SLC1A1: variants seen among roughly 807,000 people sequenced by gnomAD.
The protein encoded by SLC1A1 is excitatory amino acid transporter 3.
Under a neutral mutation model 53.3 loss-of-function variants are expected in SLC1A1, and 43 were observed. The observed-to-expected ratio is 0.81, with a 90% CI of 0.63 to 1.04. The LOEUF is 1.04. SLC1A1 is among the 50% of genes least tolerant of loss of function. The probability of loss-of-function intolerance (pLI) is 0.00; values close to 1 mark genes in which losing one functional copy is unlikely to be tolerated. For missense variants in SLC1A1, 748 were observed against 664.9 expected (o/e 1.12, Z -1.37); for synonymous variants, 307 against 243.2 (o/e 1.26, Z -2.44).
intron 3 of SLC1A1, among the ~76,000 whole-genome samples, chr9:4,563,146 G>A (rs10974626): frequency 0.27 from 37,567 of 137,612 alleles, 5,261 homozygotes; most frequent in East Asian, 0.48. Flanking sequence ...GAGAGAGAGA[G>A]AAAAAAAAAA....
intron 8 of SLC1A1, 109 bp from the exon 9 acceptor site, chr9:4,575,892 A>G: frequency 1.5e-6 from 2 of 1,298,098 alleles, no homozygotes; most frequent in South Asian, 2.5e-5. Context: ...TTATTGGGCC[A>G]TTATGAAAGT....
chr9:4,534,718 T>A (rs1250697965), intron 1 of SLC1A1, among the ~76,000 whole-genome samples: 1 of 147,982 alleles, frequency 6.8e-6, no homozygotes, highest in Non-Finnish European at 1.5e-5. Flanking sequence ...GAGGCCAGCA[T>A]CATCCTGCTA....
At chr9:4,579,681 C>T (rs1820878538) in intron 10 of SLC1A1, among the ~76,000 whole-genome samples, 2 of 152,172 alleles carry the variant, frequency 1.3e-5, no homozygotes, top group South Asian at 4.1e-4. Flanking sequence ...CTCACTGGCT[C>T]TACATGGAAA....
In SLC1A1 at chr9:4,490,494, C is replaced by T. The variant is rs1820190223; in HGVS notation, c.-186C>T. 2.6e-6 allele frequency: 1 copy of T among 379,514 alleles called. No homozygotes were observed. The highest frequency in any genetic ancestry group is 4.7e-6 in the Non-Finnish European group (1 of 212,812). The allele number at this position is 379,514 out of a possible 1,614,324, so 23.5% of individuals were successfully genotyped here. A position where few individuals can be genotyped will look rare whatever the true frequency, so the allele number is the denominator to read the frequency against. ...CAAAACTACCGGGCTGGCAGGGCGG[C>T]GGGCGCGGTGCGCGATCCCGGGTGG... is the stretch of plus-strand genomic sequence containing the variant. On this transcript the variant is annotated 5_prime_UTR_variant, in exon 1 of 12. Coordinates refer to ENST00000262352, the MANE Select transcript of SLC1A1 (RefSeq NM_004170.6).
rs1011050219 is a variant in SLC1A1 at position 4,585,769 on chromosome 9, T to G, written c.*211T>G. On this transcript the variant is annotated 3_prime_UTR_variant, in exon 12 of 12. Coordinates refer to ENST00000262352, the MANE Select transcript of SLC1A1 (RefSeq NM_004170.6). ...GGGGTAAGTTGAAGGGAAATCAATTTAAAGGAAAGTTCTATTATCTGGGTT... is the reference window on the plus strand; with the variant it reads ...GGGGTAAGTTGAAGGGAAATCAATTGAAAGGAAAGTTCTATTATCTGGGTT... 3.7e-5 allele frequency: 22 copies of G among 596,568 alleles called. No individual in the cohort carries two copies. The highest frequency in any genetic ancestry group is 3.6e-4 in the Admixed American group (12 of 33,356). The allele number at this position is 596,568 out of a possible 1,614,324, so 37.0% of individuals were successfully genotyped here. A position where few individuals can be genotyped will look rare whatever the true frequency, so the allele number is the denominator to read the frequency against.
At chr9:4,570,034 G>A (rs1407247961) in intron 6 of SLC1A1, among the ~76,000 whole-genome samples, 1 of 152,200 alleles carries the variant, frequency 6.6e-6, no homozygotes, top group South Asian at 2.1e-4. Flanking sequence ...CAAGCAGGGT[G>A]CAAAGGCCCA....
intron 1 of SLC1A1, among the ~76,000 whole-genome samples, chr9:4,544,222 G>A (rs1817261645): frequency 6.6e-6 from 1 of 152,092 alleles, no homozygotes; most frequent in Non-Finnish European, 1.5e-5. Flanking sequence ...GTAGAAAAAG[G>A]TGGTGTGTGA....
At chr9:4,490,813 C>T in intron 1 of SLC1A1, 43 bp downstream of exon 1, 4 of 1,529,924 alleles carry the variant, frequency 2.6e-6, no homozygotes, top group Non-Finnish European at 3.6e-6. Flanking sequence ...CCCTCACGCG[C>T]TCTCTGCGCC....
At chr9:4,530,026 T>C (rs2130850131) in intron 1 of SLC1A1, among the ~76,000 whole-genome samples, 1 of 152,170 alleles carries the variant, frequency 6.6e-6, no homozygotes, top group African/African-American at 2.4e-5. Flanking sequence ...GCTGAGAGAG[T>C]AACTTGAATA....
intron 5 of SLC1A1, among the ~76,000 whole-genome samples, chr9:4,567,224 T>G (rs577209946): frequency 3.3e-5 from 5 of 152,336 alleles, no homozygotes; most frequent in Admixed American, 1.3e-4. Context: ...GTTAAACCTT[T>G]CTTGATGCTT....
At chr9:4,573,730 A>G (rs1216604335) in intron 7 of SLC1A1, among the ~76,000 whole-genome samples, 177 bp from the exon 8 acceptor site, 6 of 152,150 alleles carry the variant, frequency 3.9e-5, no homozygotes, top group Non-Finnish European at 8.8e-5. Flanking sequence ...TAAAAACTAG[A>G]GCCAATATTG....
intron 4 of SLC1A1, 148 bp downstream of exon 4, chr9:4,564,606 A>C (rs903142654): frequency 1.5e-6 from 1 of 688,416 alleles, no homozygotes; most frequent in African/African-American, 1.8e-5. Flanking sequence ...GGAACCCACA[A>C]ATTACATAGC....
intron 8 of SLC1A1, among the ~76,000 whole-genome samples, chr9:4,575,657 A>G (rs1477165167): frequency 1.3e-5 from 2 of 152,182 alleles, no homozygotes; most frequent in African/African-American, 4.8e-5. Context: ...TAAGAGGAGA[A>G]GAACTGAGCA....
intron 7 of SLC1A1, among the ~76,000 whole-genome samples, chr9:4,573,391 C>T (rs1444842778): frequency 2.0e-5 from 3 of 152,152 alleles, no homozygotes; most frequent in African/African-American, 4.8e-5. Context: ...AGGAGAAGTA[C>T]ATTAAATGAA....
intron 3 of SLC1A1, among the ~76,000 whole-genome samples, chr9:4,562,992 T>G (rs10815024): frequency 0.24 from 33,832 of 141,954 alleles, 4,566 homozygotes; most frequent in East Asian, 0.46. Context: ...GGGAGAGGGA[T>G]AGCATTGGGA....
rs1285518920 is a variant in SLC1A1, at chr9:4,515,307, A to G, written c.91+24537A>G. On this transcript the variant is annotated intron_variant, in intron 1 of 11. Coordinates refer to ENST00000262352, the MANE Select transcript of SLC1A1 (RefSeq NM_004170.6). ...TTCAAGAGACAGGGACAGAGCCTCC[A>G]TTTTCTGATGGGAAGAGTATCAGAT... is the stretch of plus-strand genomic sequence containing the variant. Among the ~76,000 whole-genome samples, 5 of 152,198 alleles carry G rather than the reference A, an allele frequency of 3.3e-5. No homozygotes were observed. In the East Asian group the frequency reaches 9.6e-4, roughly 29 times the overall value.
At chr9:4,496,347 C>T (rs6476872) in intron 1 of SLC1A1, among the ~76,000 whole-genome samples, 37,599 of 151,700 alleles carry the variant, frequency 0.25, 5,220 homozygotes, top group African/African-American at 0.39. Flanking sequence ...TGAAAGAATT[C>T]AGAGAAAGTG....
At chr9:4,495,749 T>C (rs1820391961) in intron 1 of SLC1A1, among the ~76,000 whole-genome samples, 2 of 151,762 alleles carry the variant, frequency 1.3e-5, no homozygotes, top group African/African-American at 4.8e-5. Flanking sequence ...AAAGGGGAAA[T>C]GGGTGCCTCA....
At chr9:4,513,578 G>C (rs891742281) in intron 1 of SLC1A1, among the ~76,000 whole-genome samples, 2 of 152,128 alleles carry the variant, frequency 1.3e-5, no homozygotes, top group Admixed American at 1.3e-4. Context: ...GGAGCAACTG[G>C]TACTATTAAA....
Sources: allele counts gnomAD v4.1 joint callset (sites outside exome capture counted in the v4.1 genomes callset), GRCh38; gene constraint gnomAD v4.1.1; transcripts MANE v1.5; gene names NCBI Gene and HGNC (gene_info 2026-07-23, HGNC 2026-07-21).